The following WWOX variants were observed in gnomAD, a reference collection of about 807,000 sequenced individuals.
WWOX encodes WW domain containing oxidoreductase, also known as WW domain-containing oxidoreductase.
Under a neutral mutation model 46.2 loss-of-function variants are expected in WWOX, and 69 were observed. The ratio of observed to expected loss-of-function variants is 1.49; its 90% CI spans 1.23 to 1.82. WWOX has a LOEUF of 1.82. WWOX is among the 40% of genes most tolerant of loss of function. The pLI is 0.00. For missense variants in WWOX, 919 were observed against 542.6 expected (o/e 1.69, Z -6.89); for synonymous variants, 359 against 202.6 (o/e 1.77, Z -6.56).
intron 8 of WWOX, among the ~76,000 whole-genome samples, chr16:78,515,605 A>T (rs2043218633): frequency 6.6e-6 from 1 of 152,196 alleles, no homozygotes; most frequent in Admixed American, 6.5e-5. Flanking sequence ...CTCTGTGCAG[A>T]GCCAGGCCGG....
At chr16:78,531,146 G>T (rs1013843058) in intron 8 of WWOX, among the ~76,000 whole-genome samples, 7 of 152,118 alleles carry the variant, frequency 4.6e-5, no homozygotes, top group African/African-American at 1.4e-4. Context: ...AACCTTGCTA[G>T]GTTCTCACAA....
intron 5 of WWOX, among the ~76,000 whole-genome samples, chr16:78,219,331 C>G (rs753376991): frequency 6.6e-6 from 1 of 152,180 alleles, no homozygotes; most frequent in Non-Finnish European, 1.5e-5. Context: ...GCGCCATCTA[C>G]TAATCTCTGG....
chr16:78,595,661 C>T (rs1050229848), intron 8 of WWOX, among the ~76,000 whole-genome samples: 19 of 152,224 alleles, frequency 1.2e-4, no homozygotes, highest in African/African-American at 3.9e-4. Context: ...GAGCCATACT[C>T]AGAGTGGCCC....
chr16:79,092,163 C>T (rs1597367958), intron 8 of WWOX, among the ~76,000 whole-genome samples: 1 of 152,098 alleles, frequency 6.6e-6, no homozygotes, highest in Non-Finnish European at 1.5e-5. Context: ...TGCCTGTGTG[C>T]AAGAGAAGGC....
intron 6 of WWOX, among the ~76,000 whole-genome samples, chr16:78,407,646 G>T (rs894221667): frequency 6.6e-6 from 1 of 152,044 alleles, no homozygotes; most frequent in Admixed American, 6.5e-5. Flanking sequence ...GGTTTGTCTT[G>T]TCTCCACAGC....
chr16:79,112,940 C>G (rs62038836), intron 8 of WWOX, among the ~76,000 whole-genome samples: 6 of 152,304 alleles, frequency 3.9e-5, no homozygotes, highest in African/African-American at 1.2e-4. Context: ...CACTTTTGCT[C>G]TCTGCTGGCA....
intron 8 of WWOX, among the ~76,000 whole-genome samples, chr16:79,141,923 A>G (rs897468975): frequency 2.6e-5 from 4 of 151,732 alleles, no homozygotes; most frequent in Non-Finnish European, 5.9e-5. Flanking sequence ...CGTTAGTATG[A>G]CTCTCCAGTG....
intron 8 of WWOX, among the ~76,000 whole-genome samples, chr16:78,980,318 A>G (rs2046656223): frequency 6.6e-6 from 1 of 152,232 alleles, no homozygotes; most frequent in Non-Finnish European, 1.5e-5. Flanking sequence ...CTTTGCCTTC[A>G]GGATTTCCAT....
intron 5 of WWOX, among the ~76,000 whole-genome samples, chr16:78,179,178 A>C (rs774080934): frequency 6.6e-6 from 1 of 152,226 alleles, no homozygotes; most frequent in Non-Finnish European, 1.5e-5. Flanking sequence ...TCTTTCAGTC[A>C]TGTATGATCC....
chr16:78,822,467 C>A (rs2051527421), intron 8 of WWOX, among the ~76,000 whole-genome samples: 1 of 86,614 alleles, frequency 1.2e-5, no homozygotes, highest in Admixed American at 1.3e-4. Flanking sequence ...GTACTCCAGC[C>A]TGAGAGACAG....
At chr16:78,137,576 A>T (rs116479888) in intron 4 of WWOX, among the ~76,000 whole-genome samples, 282 of 152,220 alleles carry the variant, frequency 1.9e-3, no homozygotes, top group African/African-American at 6.6e-3. Context: ...GCCGCCACAG[A>T]GGGAATTACC....
At chr16:78,893,373 C>T (rs1368916498) in intron 8 of WWOX, among the ~76,000 whole-genome samples, 1 of 152,146 alleles carries the variant, frequency 6.6e-6, no homozygotes, top group South Asian at 2.1e-4. Flanking sequence ...GGCTGTCATA[C>T]CAGGCTCCCC....
intron 8 of WWOX, chr16:78,756,988 A>ATGCTTG: frequency 1.4e-6 from 1 of 702,988 alleles, no homozygotes; most frequent in South Asian, 1.5e-5. Flanking sequence ...ACCCGTGTAG[A>ATGCTTG]AGAACTGAGC....
intron 8 of WWOX, among the ~76,000 whole-genome samples, chr16:78,886,349 C>T (rs562271165): frequency 6.7e-6 from 1 of 148,668 alleles, no homozygotes; most frequent in South Asian, 2.1e-4. Context: ...ATTCTGTATT[C>T]TACTTTATTT....
intron 8 of WWOX, among the ~76,000 whole-genome samples, chr16:78,802,332 C>G (rs1310887867): frequency 6.8e-6 from 1 of 146,314 alleles, no homozygotes; most frequent in Non-Finnish European, 1.5e-5. Flanking sequence ...CAGAAAGGAA[C>G]ATAAATTGTT....
At chr16:78,877,248 A>G in intron 8 of WWOX, among the ~76,000 whole-genome samples, 1 of 151,996 alleles carries the variant, frequency 6.6e-6, no homozygotes, top group Non-Finnish European at 1.5e-5. Flanking sequence ...TCACAGTAGG[A>G]CACCAAACCC....
At chr16:78,563,140 G>C (rs533758600) in intron 8 of WWOX, among the ~76,000 whole-genome samples, 3 of 152,156 alleles carry the variant, frequency 2.0e-5, no homozygotes, top group Non-Finnish European at 2.9e-5. Flanking sequence ...GCCAAGAGCA[G>C]TGCGATTTCT....
intron 8 of WWOX, chr16:78,551,518 C>T (rs117444206): frequency 0.036 from 5,449 of 152,282 alleles, 140 homozygotes; most frequent in Non-Finnish European, 0.05. Context: ...TGTTCTGTTC[C>T]TGTCTCTGGT....
At chr16:78,984,898 T>C (rs1375113768) in intron 8 of WWOX, among the ~76,000 whole-genome samples, 1 of 152,122 alleles carries the variant, frequency 6.6e-6, no homozygotes, top group East Asian at 1.9e-4. Flanking sequence ...GATTCTTTTT[T>C]CAGTTAATCG....
Sources: gnomAD v4.1 joint callset for allele counts (sites outside exome capture counted in the v4.1 genomes callset) on GRCh38, gnomAD v4.1.1 for gene constraint, MANE v1.5 for transcripts, NCBI Gene and HGNC (gene_info 2026-07-23, HGNC 2026-07-21) for gene names.